Variants in B4GALNT3 observed in about 807,000 individuals in gnomAD.
The protein encoded by B4GALNT3 is beta-1,4-N-acetylgalactosaminyltransferase 3.
A neutral mutation model predicts 120.2 loss-of-function variants in B4GALNT3; 86 were observed. That is an observed-to-expected ratio of 0.72 (90% CI 0.60 to 0.86). The LOEUF (loss-of-function observed/expected upper bound fraction) is 0.86, where lower values mean the gene tolerates loss of function less well. B4GALNT3 is among the 40% of genes least tolerant of loss of function. The pLI is 0.00. For synonymous variants in B4GALNT3, 518 were observed against 510.4 expected (o/e 1.01, Z -0.20); for missense variants, 1,167 against 1,298.9 (o/e 0.90, Z 1.56).
chr12:467,821 T>C (rs11063096), intron 1 of B4GALNT3, among the ~76,000 whole-genome samples: 8,765 of 152,244 alleles, frequency 0.058, 363 homozygotes, highest in African/African-American at 0.13. Context: ...ATGAGAACGC[T>C]CTAAACATGT....
chr12:478,283 T>TA (rs10718025), intron 1 of B4GALNT3, among the ~76,000 whole-genome samples: 2,411 of 131,440 alleles, frequency 0.018, 38 homozygotes, highest in Non-Finnish European at 0.03. Flanking sequence ...TTAGAGGAGG[T>TA]AAAAAAAAAA....
chr12:477,537 A>G (rs574342186), intron 1 of B4GALNT3, among the ~76,000 whole-genome samples: 173 of 152,318 alleles, frequency 1.1e-3, no homozygotes, highest in Non-Finnish European at 9.4e-4. Context: ...TCTTCATCCA[A>G]CAGGTTCCTT....
chr12:557,610 A>C lies in B4GALNT3; in HGVS notation c.2383A>C (p.Lys795Gln). ...TCCTGCCTGACCCCCTGGGGTAGTG[A>C]AGAACCAGGCACGCTGGGTACAGCA... is the stretch of plus-strand genomic sequence containing the variant. ...RAVVHFVVPV[K>Q]NQARWVQQFI... is the part of the protein sequence containing the mutation. Residue 795 changes from lysine (K) to glutamine (Q), a missense_variant and splice_region_variant, in exon 16 of 20, where the codon AAG (lysine) becomes CAG (glutamine). By Grantham distance (53) the Lys-to-Gln change is moderately conservative (BLOSUM62 1). Coordinates refer to ENST00000266383, the MANE Select transcript of B4GALNT3 (RefSeq NM_173593.4). The C allele has an allele frequency of 6.2e-7, 1 of 1,609,392 alleles. No homozygotes were observed. Among genetic ancestry groups the C allele is most frequent in the Non-Finnish European group, 8.5e-7 (1 of 1,178,460 alleles).
At chr12:470,849 C>T (rs1946129353) in intron 1 of B4GALNT3, among the ~76,000 whole-genome samples, 1 of 152,040 alleles carries the variant, frequency 6.6e-6, no homozygotes, top group Admixed American at 6.6e-5. Flanking sequence ...AGACATTCTC[C>T]TGCCTCAATC....
At chr12:477,292 A>G (rs1946194502) in intron 1 of B4GALNT3, among the ~76,000 whole-genome samples, 1 of 152,222 alleles carries the variant, frequency 6.6e-6, no homozygotes, top group Non-Finnish European at 1.5e-5. Flanking sequence ...TTGTGCCTGC[A>G]TATAGACCAA....
At position 460,136 on chromosome 12, in the gene B4GALNT3, CGGA is replaced by C. The variant is rs1399072962; in HGVS notation, c.-233_-231del. Among the ~76,000 whole-genome samples, 2 of 150,848 alleles carry C rather than the reference CGGA, an allele frequency of 1.3e-5. No individual in the cohort carries two copies. The highest frequency in any genetic ancestry group is 3.0e-5 in the Non-Finnish European group (2 of 67,500). Reference sequence around the variant, plus strand: ...GAGAGCCCGGCGCGGAACACACGCGCGGAGGAGGAGCCGGGCTCGGCTCCCGGA... The same window carrying C: ...GAGAGCCCGGCGCGGAACACACGCGCGGAGGAGCCGGGCTCGGCTCCCGGA... On this transcript the variant is annotated 5_prime_UTR_variant, in exon 1 of 20. Transcript: ENST00000266383. This position sits in a 1 kb window ranked among gnomAD's most constrained non-coding sequence, Gnocchi z 8.0.
chr12:475,556 C>T (rs984361742), intron 1 of B4GALNT3, among the ~76,000 whole-genome samples: 11 of 152,074 alleles, frequency 7.2e-5, no homozygotes, highest in African/African-American at 2.7e-4. Flanking sequence ...TGGGCTCTGC[C>T]GCGCCTCCTC....
chr12:555,478 T>G, intron 14 of B4GALNT3: 1 of 417,026 alleles, frequency 2.4e-6, no homozygotes, highest in Non-Finnish European at 4.9e-6. Context: ...CATTTTTCCA[T>G]TCATCCGTTG....
intron 1 of B4GALNT3, among the ~76,000 whole-genome samples, chr12:520,638 T>C (rs983195156): frequency 3.3e-5 from 5 of 152,270 alleles, no homozygotes; most frequent in African/African-American, 9.6e-5. Context: ...AATTATCTTA[T>C]GGGATTGTGA....
intron 1 of B4GALNT3, among the ~76,000 whole-genome samples, chr12:501,430 G>C (rs1162929395): frequency 6.6e-6 from 1 of 152,070 alleles, no homozygotes; most frequent in Non-Finnish European, 1.5e-5. Flanking sequence ...ATAGGGATCA[G>C]ATTAGCCAGG....
chr12:551,269 A>G (rs1947079390), intron 11 of B4GALNT3, among the ~76,000 whole-genome samples: 1 of 152,104 alleles, frequency 6.6e-6, no homozygotes, highest in African/African-American at 2.4e-5. Context: ...CCCAACACAC[A>G]CCAACTCAGC....
chr12:518,081 A>C (rs141455996), intron 1 of B4GALNT3, among the ~76,000 whole-genome samples: 1 of 150,466 alleles, frequency 6.6e-6, no homozygotes, highest in East Asian at 1.9e-4. Flanking sequence ...ATTGGAAATT[A>C]ATTCATTCAT....
rs763929364 is a variant in B4GALNT3, at chr12:536,282, C to A, written c.338C>A (p.Pro113His). 1 of 1,613,572 alleles carries A rather than the reference C, an allele frequency of 6.2e-7. No individual in the cohort carries two copies. Among genetic ancestry groups the A allele is most frequent in the Non-Finnish European group, 8.5e-7 (1 of 1,179,490 alleles). Residue 113 changes from proline to histidine, a missense_variant, in exon 3 of 20, where the codon CCC becomes CAC. By Grantham distance (77) the Pro-to-His change is moderately conservative. Coordinates refer to ENST00000266383, the MANE Select transcript of B4GALNT3 (RefSeq NM_173593.4). ...TACTTGAAGTGGAACAAGCCTGTCC[C>A]CTGGCTCTCAGAGGTGAGGGACTTT... Reference protein sequence around the residue: ...SSYLKWNKPVPWLSEFRGRAN... With the variant: ...SSYLKWNKPVHWLSEFRGRAN...
At chr12:497,565 G>A (rs1313484909) in intron 1 of B4GALNT3, among the ~76,000 whole-genome samples, 4 of 152,218 alleles carry the variant, frequency 2.6e-5, no homozygotes, top group Non-Finnish European at 5.9e-5. Flanking sequence ...GAATAATGCT[G>A]CTATAAACAC....
intron 1 of B4GALNT3, among the ~76,000 whole-genome samples, chr12:464,492 G>C (rs576248505): frequency 6.6e-6 from 1 of 152,204 alleles, no homozygotes; most frequent in South Asian, 2.1e-4. Flanking sequence ...AAATACCCAG[G>C]CATGGTGGCG....
At chr12:475,831 A>G (rs1209487047) in intron 1 of B4GALNT3, among the ~76,000 whole-genome samples, 2 of 152,126 alleles carry the variant, frequency 1.3e-5, no homozygotes, top group African/African-American at 2.4e-5. Context: ...ATGGCTCCAG[A>G]GTATCTGGTT....
chr12:525,092 T>TTATTTATTTATG (rs1555156531), intron 1 of B4GALNT3, among the ~76,000 whole-genome samples: 3 of 151,000 alleles, frequency 2.0e-5, no homozygotes, highest in Non-Finnish European at 4.4e-5. Flanking sequence ...ACAATTTTAT[T>TTATTTATTTATG]TATTTATTTA....
intron 1 of B4GALNT3, among the ~76,000 whole-genome samples, chr12:503,164 C>A (rs1393926761): frequency 6.6e-6 from 1 of 152,106 alleles, no homozygotes; most frequent in Non-Finnish European, 1.5e-5. Flanking sequence ...TGTTTTCTAC[C>A]CTGTTTCCCA....
At position 460,791 on chromosome 12, in the gene B4GALNT3, C is replaced by A. The variant is rs1255476831; in HGVS notation, c.169+246C>A. ...ACGTGGGTCCGGGGCACCCTGGGGG[C>A]TCCTCGCGTCTCCCCTCGGAGAGCG... On this transcript the variant is annotated intron_variant, in intron 1 of 19. Coordinates refer to ENST00000266383, the MANE Select transcript of B4GALNT3 (RefSeq NM_173593.4). This position sits in a 1 kb window ranked among gnomAD's most constrained non-coding sequence, Gnocchi z 8.0. 6.6e-6 allele frequency among the ~76,000 whole-genome samples: 1 copy of A among 152,074 alleles called. No individual in the cohort carries two copies.
Sources: gnomAD v4.1 joint callset for allele counts (sites outside exome capture counted in the v4.1 genomes callset) on GRCh38, gnomAD v4.1.1 for gene constraint, Gnocchi (gnomAD v3.1) non-coding constraint, MANE v1.5 for transcripts, NCBI Gene and HGNC (gene_info 2026-07-23, HGNC 2026-07-21) for gene names.